The following FGF14 variants were observed in gnomAD, a reference collection of about 807,000 sequenced individuals.
FGF14 encodes fibroblast growth factor homologous factor 4.
FGF14 carries 5 observed loss-of-function variants against 25.5 expected under a neutral mutation model. The observed-to-expected ratio is 0.20, with a 90% confidence interval of 0.10 to 0.41. The LOEUF (loss-of-function observed/expected upper bound fraction) is 0.41. Ranked by LOEUF, FGF14 falls within the 10% of genes least tolerant of loss-of-function variation. FGF14 has a pLI of 1.00. For missense variants in FGF14, 222 were observed against 320.1 expected, an observed-to-expected ratio of 0.69 and a Z score of 2.34; for synonymous variants, 138 against 118.3, an observed-to-expected ratio of 1.17 and a Z score of -1.08.
At chr13:101,964,097 C>T (rs1407572) in intron 1 of FGF14, among the ~76,000 whole-genome samples, 21,333 of 152,126 alleles carry the variant, frequency 0.14, 1,904 homozygotes, top group East Asian at 0.29. Flanking sequence ...AGCAAGATCA[C>T]TGAAGGTAAA....
intron 1 of FGF14, among the ~76,000 whole-genome samples, chr13:102,239,930 G>T (rs1282520089): frequency 6.6e-6 from 1 of 152,132 alleles, no homozygotes; most frequent in Non-Finnish European, 1.5e-5. Flanking sequence ...TTAGGATCAA[G>T]AAATCTAGAA....
chr13:102,315,622 T>C (rs912565396), intron 1 of FGF14, among the ~76,000 whole-genome samples: 1 of 152,240 alleles, frequency 6.6e-6, no homozygotes, highest in Non-Finnish European at 1.5e-5. Context: ...TCCTTTTAGC[T>C]GTCTTGTAAT....
chr13:102,073,945 C>T (rs2043249671), intron 1 of FGF14, among the ~76,000 whole-genome samples: 1 of 152,202 alleles, frequency 6.6e-6, no homozygotes, highest in Admixed American at 6.5e-5. Flanking sequence ...ATATTATTCT[C>T]ATTCGCTCCC....
intron 1 of FGF14, among the ~76,000 whole-genome samples, chr13:102,321,186 A>AT (rs1467236224): frequency 2.0e-5 from 3 of 152,126 alleles, no homozygotes; most frequent in Admixed American, 6.5e-5. Flanking sequence ...AATAGAGCAC[A>AT]TTTTTTCTCA....
chr13:102,247,190 T>A (rs572779411), intron 1 of FGF14, among the ~76,000 whole-genome samples: 1 of 151,992 alleles, frequency 6.6e-6, no homozygotes, highest in Non-Finnish European at 1.5e-5. Flanking sequence ...GATTTCATGA[T>A]GAAGATGCCA....
intron 1 of FGF14, among the ~76,000 whole-genome samples, chr13:102,021,231 C>A (rs891547480): frequency 6.6e-6 from 1 of 151,938 alleles, no homozygotes; most frequent in Non-Finnish European, 1.5e-5. Context: ...AAAGGAAGAG[C>A]ATAAGATGGA....
intron 3 of FGF14, among the ~76,000 whole-genome samples, chr13:101,864,016 T>C (rs1189429914): frequency 6.6e-6 from 1 of 152,150 alleles, no homozygotes; most frequent in Non-Finnish European, 1.5e-5. Context: ...CTGAAAGATA[T>C]GATATCAGAA....
chr13:101,732,148 G>A (rs2035849509), intron 3 of FGF14, among the ~76,000 whole-genome samples: 2 of 152,100 alleles, frequency 1.3e-5, no homozygotes, highest in South Asian at 4.1e-4. Flanking sequence ...TTTCATCCTT[G>A]GAAAAGCCTT....
intron 1 of FGF14, among the ~76,000 whole-genome samples, chr13:102,195,613 A>T (rs890601959): frequency 1.3e-5 from 2 of 151,962 alleles, no homozygotes; most frequent in African/African-American, 4.8e-5. Context: ...TATAGAACAC[A>T]TGTGCCTGGA....
At chr13:102,132,556 C>A (rs986796522) in intron 1 of FGF14, among the ~76,000 whole-genome samples, 2 of 149,786 alleles carry the variant, frequency 1.3e-5, no homozygotes, top group Admixed American at 1.3e-4. Context: ...GGCCTGAGTG[C>A]AGTGGCATGA....
chr13:101,898,517 CA>C (rs1239469328), intron 1 of FGF14, among the ~76,000 whole-genome samples: 2 of 151,880 alleles, frequency 1.3e-5, no homozygotes, highest in South Asian at 2.1e-4. Flanking sequence ...ATTTTTCTTC[CA>C]AAAAATTCAA....
In FGF14 at chr13:102,189,026, AAAAG is replaced by A. The variant is rs1207811798; in HGVS notation, c.208+212441_208+212444del. On this transcript the variant is annotated intron_variant, in intron 1 of 4. Transcript: ENST00000376131. Reference sequence around the variant, plus strand: ...AAAGAAAGAGAAAGAATGAAAGAAGAAAAGAAAGAAAGAAAGAGAAAGAATGAAA... The same window carrying A: ...AAAGAAAGAGAAAGAATGAAAGAAGAAAAGAAAGAAAGAGAAAGAATGAAA... Among the ~76,000 whole-genome samples, 6 of 69,766 alleles carry A rather than the reference AAAAG, an allele frequency of 8.6e-5. No individual in the cohort carries two copies. The East Asian group carries it at 1.0e-3, about 12-fold the overall frequency. The allele number at this position is 69,766 out of a possible 152,430, so 45.8% of individuals were successfully genotyped here. A position where few individuals can be genotyped will look rare whatever the true frequency, so the allele number is the denominator to read the frequency against.
rs1036920448 is a variant in FGF14 at position 101,862,318 on chromosome 13, C to T, written c.408+6407G>A. Reference sequence around the variant, plus strand: ...ATGCTGCCAAAGCATCTGACTACTGCTGTTCTATTATCTTCTTTCCTTTAT... The same window carrying T: ...ATGCTGCCAAAGCATCTGACTACTGTTGTTCTATTATCTTCTTTCCTTTAT... On this transcript the variant is annotated intron_variant, in intron 3 of 4. Transcript: ENST00000376143. 6.2e-4 allele frequency among the ~76,000 whole-genome samples: 95 copies of T among 152,110 alleles called. 1 individual carries two copies. The highest frequency in any genetic ancestry group is 2.2e-3 in the African/African-American group (93 of 41,532).
intron 1 of FGF14, among the ~76,000 whole-genome samples, chr13:101,936,466 T>C (rs1030141638): frequency 4.6e-5 from 7 of 152,204 alleles, no homozygotes; most frequent in African/African-American, 1.7e-4. Context: ...CAGTTGCCAG[T>C]ATCAGCCTTC....
intron 1 of FGF14, among the ~76,000 whole-genome samples, chr13:102,121,585 C>T (rs2045727680): frequency 6.6e-6 from 1 of 152,106 alleles, no homozygotes; most frequent in Non-Finnish European, 1.5e-5. Flanking sequence ...TTGCCAATAA[C>T]TATGTGTTAT....
At chr13:102,073,204 A>G (rs747876392) in intron 1 of FGF14, among the ~76,000 whole-genome samples, 4 of 152,222 alleles carry the variant, frequency 2.6e-5, no homozygotes, top group Non-Finnish European at 4.4e-5. Context: ...ATGAGCTGAG[A>G]TCATGCCACT....
Position 102,222,861 on chromosome 13 carries a change from G to A in FGF14, c.208+178610C>T, listed in dbSNP as rs147504152. Among the ~76,000 whole-genome samples, 703 of 152,208 alleles carry A rather than the reference G, an allele frequency of 4.6e-3. 5 individuals are homozygous for A. The highest frequency in any genetic ancestry group is 6.7e-3 in the Non-Finnish European group (455 of 68,016). On this transcript the variant is annotated intron_variant, in intron 1 of 4. Coordinates refer to the FGF14 transcript ENST00000376131. ...TCCTCTAAGGGAATCTGTCCAGCCC[G>A]AAGTGCTGATTACATACCAAAATCC... is the stretch of plus-strand genomic sequence containing the variant.
rs1311324235 is a variant in FGF14, at chr13:101,717,779, C to G, written c.*5052G>C. 6.6e-6 allele frequency: 1 copy of G among 152,154 alleles called. No homozygotes were observed. Among genetic ancestry groups the G allele is most frequent in the Non-Finnish European group, 1.5e-5 (1 of 68,020 alleles). 9.4% of individuals were successfully genotyped at this position (152,154 alleles called of 1,614,324 possible). The stretch of plus-strand genomic sequence containing the variant: ...AGGGTGGATTTGGCTGGCAGCTGGG[C>G]AGTACTTTGTCAGCCTCAGCTCCAC... On this transcript the variant is annotated 3_prime_UTR_variant, in exon 5 of 5. Coordinates refer to ENST00000376143, the MANE Select transcript of FGF14 (RefSeq NM_004115.4).
At chr13:102,033,434 AAAG>A (rs1266023296) in intron 1 of FGF14, among the ~76,000 whole-genome samples, 1 of 152,120 alleles carries the variant, frequency 6.6e-6, no homozygotes, top group Admixed American at 6.6e-5. Flanking sequence ...CTATATTTTA[AAAG>A]AACACCAAGC....
Sources: allele counts gnomAD v4.1 joint callset (sites outside exome capture counted in the v4.1 genomes callset), GRCh38; gene constraint gnomAD v4.1.1; transcripts MANE v1.5; gene names NCBI Gene and HGNC (gene_info 2026-07-23, HGNC 2026-07-21).